MAML2: variants seen among roughly 807,000 people sequenced by gnomAD.
MAML2 encodes the protein mastermind-like protein 2.
MAML2 carries 22 observed loss-of-function variants against 96.1 expected under a neutral mutation model. That is an observed-to-expected ratio of 0.23 (90% confidence interval 0.16 to 0.33). MAML2 has a LOEUF of 0.33. Ranked by LOEUF, MAML2 falls within the 10% of genes least tolerant of loss-of-function variation. The pLI, the probability that MAML2 is intolerant of heterozygous loss-of-function variation, is 1.00. For synonymous variants in MAML2, 561 were observed against 521.3 expected, an observed-to-expected ratio of 1.08 and a Z score of -1.04; for missense variants, 1,367 against 1,392.4, an observed-to-expected ratio of 0.98 and a Z score of 0.29.
intron 1 of MAML2, among the ~76,000 whole-genome samples, chr11:96,201,982 A>C (rs1385663033): frequency 6.6e-6 from 1 of 151,490 alleles, no homozygotes; most frequent in Non-Finnish European, 1.5e-5. Context: ...CACACACAGG[A>C]GGAAAAAGAG....
chr11:96,005,814 C>A (rs1176434406), intron 2 of MAML2, among the ~76,000 whole-genome samples: 37 of 152,096 alleles, frequency 2.4e-4, no homozygotes, highest in Admixed American at 2.4e-3. Context: ...AAAAAGAATA[C>A]AAAATATTTT....
chr11:96,114,288 A>G (rs1565218880), intron 1 of MAML2, among the ~76,000 whole-genome samples: 1 of 152,180 alleles, frequency 6.6e-6, no homozygotes, highest in African/African-American at 2.4e-5. Flanking sequence ...ATGGGCAAAA[A>G]TATTCCAGAC....
intron 1 of MAML2, among the ~76,000 whole-genome samples, chr11:96,261,388 T>A (rs1449698975): frequency 6.6e-6 from 1 of 152,026 alleles, no homozygotes; most frequent in Admixed American, 6.6e-5. Context: ...ATTACCCAGT[T>A]TTGGGTGTTT....
chr11:96,132,367 T>C (rs1565224515), intron 1 of MAML2, among the ~76,000 whole-genome samples: 1 of 152,130 alleles, frequency 6.6e-6, no homozygotes, highest in Non-Finnish European at 1.5e-5. Context: ...TTTGCCAGAG[T>C]GCATGCCCTA....
chr11:96,305,801 C>T (rs1236386175), intron 1 of MAML2, among the ~76,000 whole-genome samples: 1 of 152,248 alleles, frequency 6.6e-6, no homozygotes, highest in South Asian at 2.1e-4. Context: ...ATAAAAACAT[C>T]TGTCTCTATG....
intron 2 of MAML2, among the ~76,000 whole-genome samples, chr11:96,009,205 T>C (rs1214457720): frequency 6.6e-6 from 1 of 152,204 alleles, no homozygotes; most frequent in African/African-American, 2.4e-5. Context: ...CGATGGCCAT[T>C]CGCATGTATA....
At chr11:96,251,429 A>C (rs1291746039) in intron 1 of MAML2, among the ~76,000 whole-genome samples, 2 of 152,192 alleles carry the variant, frequency 1.3e-5, no homozygotes, top group Admixed American at 6.5e-5. Flanking sequence ...TTTTATGGGA[A>C]AGTGTATTGT....
At position 96,192,531 on chromosome 11, in the gene MAML2, G is replaced by A. The variant is rs562074108; in HGVS notation, c.514-99014C>T. Among the ~76,000 whole-genome samples, 6 of 152,322 alleles carry A rather than the reference G, an allele frequency of 3.9e-5. No homozygotes were observed. The East Asian group carries it at 1.2e-3, about 29-fold the overall frequency. On this transcript the variant is annotated intron_variant, in intron 1 of 4. Transcript: ENST00000524717. ...ATCTATGATTCTAAGAAAAATGGAG[G>A]TGATCTATGATGAGGAATTTTGATA...
chr11:96,204,408 T>C (rs1861868200), intron 1 of MAML2, among the ~76,000 whole-genome samples: 1 of 152,188 alleles, frequency 6.6e-6, no homozygotes, highest in South Asian at 2.1e-4. Flanking sequence ...TGTGCATTGA[T>C]TCAGGCAAGT....
At chr11:96,287,230 T>C (rs1003303814) in intron 1 of MAML2, among the ~76,000 whole-genome samples, 6 of 152,244 alleles carry the variant, frequency 3.9e-5, no homozygotes, top group African/African-American at 1.4e-4. Context: ...CTCTTAAATG[T>C]ATTTGATTAA....
chr11:96,003,948 G>A (rs1858137644), intron 2 of MAML2, among the ~76,000 whole-genome samples: 1 of 152,096 alleles, frequency 6.6e-6, no homozygotes, highest in African/African-American at 2.4e-5. Flanking sequence ...TAATAGCTGA[G>A]CATTACCACC....
At position 96,308,114 on chromosome 11, in the gene MAML2, G is replaced by A. The variant is rs1219856181; in HGVS notation, c.513+33269C>T. Among the ~76,000 whole-genome samples the A allele has an allele frequency of 5.9e-5, 9 of 152,074 alleles. No homozygotes were observed. In the East Asian group the frequency reaches 7.7e-4, roughly 13 times the overall value. ...TTATAGTTTACATTTGGGATCACCC[G>A]ACCTCAGAAATCAAAATTTCAGAGG... On this transcript the variant is annotated intron_variant, in intron 1 of 4. Transcript: ENST00000524717.
At chr11:96,054,727 G>T (rs751488756) in intron 2 of MAML2, among the ~76,000 whole-genome samples, 20 of 152,006 alleles carry the variant, frequency 1.3e-4, no homozygotes, top group Non-Finnish European at 2.1e-4. Context: ...AATTTTGGGG[G>T]CTTCCAAAGG....
intron 2 of MAML2, among the ~76,000 whole-genome samples, chr11:96,058,307 T>C (rs1191267852): frequency 1.3e-5 from 2 of 151,906 alleles, no homozygotes; most frequent in Admixed American, 6.6e-5. Context: ...TGTTTGTTTG[T>C]TTGTTTTGTT....
intron 2 of MAML2, among the ~76,000 whole-genome samples, chr11:96,047,930 A>AAAAAAAAAAAAG (rs1555001442): frequency 1.9e-4 from 24 of 127,356 alleles, no homozygotes; most frequent in Non-Finnish European, 2.9e-4. Flanking sequence ...AAAAAAAAAA[A>AAAAAAAAAAAAG]AAAAGAAAAA....
chr11:96,115,133 T>C (rs1860212048), intron 1 of MAML2, among the ~76,000 whole-genome samples: 1 of 151,512 alleles, frequency 6.6e-6, no homozygotes, highest in Non-Finnish European at 1.5e-5. Flanking sequence ...AAATGTTTGG[T>C]GCTGTGAGGT....
chr11:96,339,304 C>T (rs1044395541), intron 1 of MAML2, among the ~76,000 whole-genome samples: 8 of 152,132 alleles, frequency 5.3e-5, no homozygotes, highest in Non-Finnish European at 8.8e-5. Flanking sequence ...GGCCAGACAC[C>T]GCTCCCTCAC....
intron 2 of MAML2, among the ~76,000 whole-genome samples, chr11:96,037,262 A>G (rs1858733047): frequency 6.6e-6 from 1 of 152,238 alleles, no homozygotes; most frequent in African/African-American, 2.4e-5. Context: ...TGTAATGCTA[A>G]ATGACGTGCC....
At chr11:96,327,210 G>A (rs1172406870) in intron 1 of MAML2, among the ~76,000 whole-genome samples, 4 of 152,124 alleles carry the variant, frequency 2.6e-5, no homozygotes, top group Non-Finnish European at 5.9e-5. Context: ...AATCCAACCC[G>A]TGTGGGTTGC....
Sources: gnomAD v4.1 joint callset for allele counts (sites outside exome capture counted in the v4.1 genomes callset) on GRCh38, gnomAD v4.1.1 for gene constraint, MANE v1.5 for transcripts, NCBI Gene and HGNC (gene_info 2026-07-23, HGNC 2026-07-21) for gene names.